Variants in COL15A1 observed in about 807,000 individuals in gnomAD.
COL15A1 encodes collagen type XV alpha 1 chain, also known as collagen alpha-1(XV) chain.
In COL15A1, 111 loss-of-function variants were observed where a neutral mutation model predicts 165.9. That is an observed-to-expected ratio of 0.67 (90% CI 0.57 to 0.78). The LOEUF (loss-of-function observed/expected upper bound fraction) is 0.78, where lower values mean the gene tolerates loss of function less well. Among genes scored for constraint, COL15A1 ranks in the 30% least tolerant of loss-of-function variants. COL15A1 has a pLI of 0.00. For missense variants in COL15A1, 1,745 were observed against 1,789.7 expected (o/e 0.98, Z 0.45); for synonymous variants, 659 against 674.8 (o/e 0.98, Z 0.36).
At chr9:99,057,003 A>G (rs950060949) in intron 35 of COL15A1, among the ~76,000 whole-genome samples, 3 of 152,356 alleles carry the variant, frequency 2.0e-5, no homozygotes, top group African/African-American at 7.2e-5. Context: ...TAATGCTACT[A>G]TGAACTTTCG....
intron 35 of COL15A1, among the ~76,000 whole-genome samples, chr9:99,058,847 G>T (rs1173383142): frequency 6.6e-6 from 1 of 152,120 alleles, no homozygotes; most frequent in Non-Finnish European, 1.5e-5. Context: ...CTGTGTGTGG[G>T]TGTTCAAGTC....
intron 2 of COL15A1, among the ~76,000 whole-genome samples, chr9:98,958,776 T>G (rs1837818447): frequency 6.6e-6 from 1 of 152,204 alleles, no homozygotes; most frequent in Admixed American, 6.5e-5. Context: ...ACTGGTTTAG[T>G]GGCTCGGATT....
Position 99,052,780 on chromosome 9 carries a change from C to A in COL15A1, c.2950+347C>A, listed in dbSNP as rs112286576. On this transcript the variant is annotated intron_variant, in intron 31 of 41. Coordinates refer to ENST00000375001, the MANE Select transcript of COL15A1 (RefSeq NM_001855.5). ...TTCCAAGAGCCTGAGAAGCGCTGTT[C>A]CTGCCTCTCAGGCTCTTGGAACCTG... Among the ~76,000 whole-genome samples, 418 of 152,246 alleles carry A rather than the reference C, an allele frequency of 2.7e-3. 1 individual carries two copies. The highest frequency in any genetic ancestry group is 9.7e-3 in the African/African-American group (401 of 41,548).
At chr9:98,964,870 T>C (rs1417606972) in intron 2 of COL15A1, among the ~76,000 whole-genome samples, 1 of 152,178 alleles carries the variant, frequency 6.6e-6, no homozygotes. Context: ...TGATTCTTCA[T>C]CAGCGCCTTG....
intron 4 of COL15A1, among the ~76,000 whole-genome samples, chr9:98,988,492 C>A (rs16918113): frequency 0.21 from 32,012 of 152,142 alleles, 3,757 homozygotes; most frequent in African/African-American, 0.31. Flanking sequence ...TAATTGTTCC[C>A]AGCGCAAGAT....
chr9:99,010,825 G>A (rs1298302406), intron 9 of COL15A1, among the ~76,000 whole-genome samples: 1 of 152,176 alleles, frequency 6.6e-6, no homozygotes, highest in Non-Finnish European at 1.5e-5. Context: ...CGAAAACTTA[G>A]TAATAATGAC....
At chr9:99,007,743 G>A (rs1471380251) in intron 9 of COL15A1, among the ~76,000 whole-genome samples, 1 of 152,180 alleles carries the variant, frequency 6.6e-6, no homozygotes, top group African/African-American at 2.4e-5. Context: ...AGTTTAAGTT[G>A]TCTAGCTTCA....
intron 8 of COL15A1, 77 bp downstream of exon 8, chr9:99,003,664 G>C: frequency 7.2e-7 from 1 of 1,398,408 alleles, no homozygotes; most frequent in South Asian, 1.7e-5. Flanking sequence ...GCAGTCACTG[G>C]CTTTCCCTAT....
intron 16 of COL15A1, among the ~76,000 whole-genome samples, chr9:99,031,518 T>C (rs1839212923): frequency 6.6e-6 from 1 of 152,172 alleles, no homozygotes; most frequent in South Asian, 2.1e-4. Flanking sequence ...GGGGAGATTG[T>C]TGCGTGGGGG....
chr9:98,992,056 C>A (rs1838445383), intron 5 of COL15A1, among the ~76,000 whole-genome samples: 1 of 152,264 alleles, frequency 6.6e-6, no homozygotes, highest in African/African-American at 2.4e-5. Context: ...GCTGGCTTCG[C>A]CTAGTGGATC....
intron 2 of COL15A1, among the ~76,000 whole-genome samples, chr9:98,961,806 T>C (rs75457774): frequency 0.019 from 2,822 of 152,298 alleles, 101 homozygotes; most frequent in African/African-American, 0.064. Flanking sequence ...GACAGTGAAT[T>C]GCTTCAGGGC....
In COL15A1 at chr9:98,945,908, TCA is replaced by T. The variant is rs1451454911; in HGVS notation, c.100+1659_100+1660del. Among the ~76,000 whole-genome samples, 10 of 152,290 alleles carry T rather than the reference TCA, an allele frequency of 6.6e-5. No individual in the cohort carries two copies. In the South Asian group the frequency reaches 2.1e-3, roughly 32 times the overall value. On this transcript the variant is annotated intron_variant, in intron 2 of 41. Transcript: ENST00000375001. ...CTCCTGTGTGTGTCTCTGGGATCCC[TCA>T]GTGTCAGGGCTGTTGTTTCTAACAC...
intron 9 of COL15A1, among the ~76,000 whole-genome samples, chr9:99,008,990 T>C (rs1391463624): frequency 1.3e-5 from 2 of 152,260 alleles, no homozygotes; most frequent in African/African-American, 4.8e-5. Flanking sequence ...GGATCAGCAA[T>C]GTTTTAAGCA....
Position 99,068,985 on chromosome 9 carries a change from G to A in COL15A1, c.3953+315G>A, listed in dbSNP as rs796770120. 2.6e-4 allele frequency among the ~76,000 whole-genome samples: 40 copies of A among 152,298 alleles called. No individual in the cohort carries two copies. The South Asian group carries it at 3.3e-3, about 13-fold the overall frequency. On this transcript the variant is annotated intron_variant, in intron 41 of 41. Transcript: ENST00000375001. ...GAATATATGTGAAAACATATAGCAC[G>A]CAGTGGGCACATAATAAGTGGTAAG...
intron 9 of COL15A1, among the ~76,000 whole-genome samples, chr9:99,009,416 A>G (rs1588513056): frequency 1.3e-5 from 2 of 152,372 alleles, no homozygotes; most frequent in Admixed American, 1.3e-4. Flanking sequence ...AAGAAGGTTA[A>G]ACACTGTTTC....
At position 99,069,759 on chromosome 9, in the gene COL15A1, C is replaced by T; in HGVS notation, c.4040C>T (p.Thr1347Ile). The change falls in exon 42 of 42, where the codon ACA (threonine) becomes ATA (isoleucine). Residue 1347 changes from threonine (T) to isoleucine (I), a missense_variant. Transcript: ENST00000375001. ...TGTGAAGCATGGCGAACCGCGGACA[C>T]AGCGGTCACGGGACTTGCCTCCCCG... is the stretch of plus-strand genomic sequence containing the variant. ...NYCEAWRTADTAVTGLASPLS... is the reference protein window; with the variant it reads ...NYCEAWRTADIAVTGLASPLS... The T allele has an allele frequency of 6.2e-7, 1 of 1,614,244 alleles. No individual in the cohort carries two copies.
At chr9:98,967,743 C>T (rs937469001) in intron 2 of COL15A1, among the ~76,000 whole-genome samples, 6 of 152,202 alleles carry the variant, frequency 3.9e-5, no homozygotes, top group East Asian at 1.9e-4. Flanking sequence ...CTGCACCAGA[C>T]GTCTGTGCTG....
At chr9:98,976,035 G>A (rs1838137549) in intron 2 of COL15A1, among the ~76,000 whole-genome samples, 1 of 152,146 alleles carries the variant, frequency 6.6e-6, no homozygotes, top group Non-Finnish European at 1.5e-5. Context: ...AAGGCACTGG[G>A]GAGCCATTGA....
At chr9:98,978,201 G>A (rs966656169) in intron 2 of COL15A1, among the ~76,000 whole-genome samples, 2 of 152,178 alleles carry the variant, frequency 1.3e-5, no homozygotes, top group Non-Finnish European at 2.9e-5. Flanking sequence ...CAGACTCCTA[G>A]GCATAAGAAT....
Sources: allele counts gnomAD v4.1 joint callset (sites outside exome capture counted in the v4.1 genomes callset), GRCh38; gene constraint gnomAD v4.1.1; transcripts MANE v1.5; gene names NCBI Gene and HGNC (gene_info 2026-07-23, HGNC 2026-07-21).